MYCBP2: variants seen among roughly 807,000 people sequenced by gnomAD.
MYCBP2 encodes the protein MYC binding protein 2, also known as E3 ubiquitin-protein ligase MYCBP2.
Under a neutral mutation model 525.3 loss-of-function variants are expected in MYCBP2, and 120 were observed. The ratio of observed to expected loss-of-function variants is 0.23; its 90% CI spans 0.20 to 0.27. The LOEUF (loss-of-function observed/expected upper bound fraction) is 0.27, where lower values mean the gene tolerates loss of function less well. Among genes scored for constraint, MYCBP2 ranks in the 10% least tolerant of loss-of-function variants. The pLI, the probability that MYCBP2 is intolerant of heterozygous loss-of-function variation, is 1.00. For missense variants in MYCBP2, 4,149 were observed against 5,657.1 expected (o/e 0.73, Z 8.55); for synonymous variants, 1,894 against 1,955.8 (o/e 0.97, Z 0.83).
intron 44 of MYCBP2, among the ~76,000 whole-genome samples, chr13:77,160,236 A>G (rs1352406546): frequency 6.6e-6 from 1 of 152,036 alleles, no homozygotes; most frequent in Admixed American, 6.6e-5. Flanking sequence ...CCAGCTAATG[A>G]GACGGGGTTT....
chr13:77,138,762 TAGAC>T lies in MYCBP2; in HGVS notation c.7659+430_7659+433del, dbSNP rs558338989. Among the ~76,000 whole-genome samples, 494 of 152,270 alleles carry T rather than the reference TAGAC, an allele frequency of 3.2e-3. 3 individuals are homozygous for T. Among genetic ancestry groups the T allele is most frequent in the African/African-American group, 0.011 (472 of 41,546 alleles). On this transcript the variant is annotated intron_variant, in intron 52 of 82. Transcript: ENST00000544440. ...AGCCGAGAAGGAAGAGAGTCAAAAT[TAGAC>T]AGAACACACAGAACTATCTGCAAAA...
intron 65 of MYCBP2, among the ~76,000 whole-genome samples, chr13:77,080,113 A>T (rs1466871049): frequency 6.6e-6 from 1 of 152,218 alleles, no homozygotes; most frequent in African/African-American, 2.4e-5. Flanking sequence ...CTTTCCAGTA[A>T]GATAAAGTAG....
At chr13:77,261,924 AT>A (rs1265485208) in intron 11 of MYCBP2, 128 bp downstream of exon 11, 3 of 711,752 alleles carry the variant, frequency 4.2e-6, no homozygotes, top group South Asian at 5.3e-5. Flanking sequence ...CTTATAAAAA[AT>A]AATTTTAAAT....
chr13:77,257,467 T>C (rs1441588936), intron 14 of MYCBP2, among the ~76,000 whole-genome samples: 1 of 152,140 alleles, frequency 6.6e-6, no homozygotes, highest in East Asian at 1.9e-4. Flanking sequence ...TTATTACACA[T>C]TGTAGGCCTG....
chr13:77,260,785 A>ATATT (rs1219556800), intron 12 of MYCBP2, among the ~76,000 whole-genome samples, 193 bp from the exon 13 acceptor site: 4 of 152,180 alleles, frequency 2.6e-5, no homozygotes, highest in Non-Finnish European at 5.9e-5. Flanking sequence ...TGGTCAATTA[A>ATATT]TATTTACGCT....
At chr13:77,148,847 T>C (rs1290975725) in intron 47 of MYCBP2, among the ~76,000 whole-genome samples, 1 of 152,108 alleles carries the variant, frequency 6.6e-6, no homozygotes, top group African/African-American at 2.4e-5. Flanking sequence ...AACACATAAT[T>C]ACTGTTTTAA....
intron 21 of MYCBP2, among the ~76,000 whole-genome samples, chr13:77,214,984 C>G (rs1471032763): frequency 6.6e-6 from 1 of 151,974 alleles, no homozygotes; most frequent in Non-Finnish European, 1.5e-5. Flanking sequence ...TGTCTGCATG[C>G]TTATATATCT....
At chr13:77,090,517 G>T (rs1437434543) in intron 59 of MYCBP2, 3 of 266,306 alleles carry the variant, frequency 1.1e-5, no homozygotes, top group African/African-American at 6.6e-5. Flanking sequence ...AAGAAGAAAG[G>T]TTTCCAAGCT....
At position 77,181,697 on chromosome 13, in the gene MYCBP2, C is replaced by A; in HGVS notation, c.4941+4G>T. On this transcript the variant is annotated splice_donor_region_variant and intron_variant, in intron 33 of 82. Transcript: ENST00000544440. ...TGTATAAAAGATTTCAGAGACAGAC[C>A]TACCTGGCTGAGTTTTTCCATATGT... 6.2e-7 allele frequency: 1 copy of A among 1,612,480 alleles called. No individual in the cohort carries two copies. Among genetic ancestry groups the A allele is most frequent in the South Asian group, 1.1e-5 (1 of 90,976 alleles).
chr13:77,085,110 A>G lies in MYCBP2; in HGVS notation c.10876-1918T>C, dbSNP rs780088582. 5.9e-4 allele frequency among the ~76,000 whole-genome samples: 90 copies of G among 152,216 alleles called. 1 individual carries two copies. The highest frequency in any genetic ancestry group is 1.0e-3 in the Non-Finnish European group (71 of 67,994). On this transcript the variant is annotated intron_variant, in intron 62 of 82. Transcript: ENST00000544440. ...TGACACTGGCTGTTTCATCGTAACT[A>G]TAACTAGAACTCTGCCAAACAACAA...
At chr13:77,307,277 T>A (rs1340557115) in intron 1 of MYCBP2, among the ~76,000 whole-genome samples, 1 of 152,158 alleles carries the variant, frequency 6.6e-6, no homozygotes, top group Non-Finnish European at 1.5e-5. Flanking sequence ...TGCTCAACCA[T>A]ACATCCCTCT....
At chr13:77,208,305 T>C (rs894109156) in intron 23 of MYCBP2, among the ~76,000 whole-genome samples, 3 of 152,210 alleles carry the variant, frequency 2.0e-5, no homozygotes, top group African/African-American at 7.2e-5. Flanking sequence ...CTTACCTCAG[T>C]CATTTTACAA....
At chr13:77,110,032 T>A (rs896401615) in intron 55 of MYCBP2, 1 of 152,160 alleles carries the variant, frequency 6.6e-6, no homozygotes, top group African/African-American at 2.4e-5. Flanking sequence ...TTGAACAACA[T>A]GAAATCAGTG....
chr13:77,295,174 C>T (rs1348888664), intron 2 of MYCBP2, among the ~76,000 whole-genome samples: 2 of 152,086 alleles, frequency 1.3e-5, no homozygotes, highest in East Asian at 1.9e-4. Context: ...CTTACTCTGT[C>T]GCCAGGCTGG....
chr13:77,141,982 T>C (rs2054728045), intron 49 of MYCBP2, among the ~76,000 whole-genome samples: 1 of 152,116 alleles, frequency 6.6e-6, no homozygotes, highest in Non-Finnish European at 1.5e-5. Flanking sequence ...TGATTCTAAG[T>C]AAGCAAGTAT....
At position 77,158,032 on chromosome 13, in the gene MYCBP2, C is replaced by T. The variant is rs1439510125; in HGVS notation, c.6675G>A (p.Glu2225=). ...TTTGGATTTGGAGTGGTAAATTTCC[C>T]TCAAGTGCTTCTAATATAGTTGGTG... ...SHSPTILEAL[E]GNLPLQIQSN... Residue 2225 remains glutamate, a synonymous_variant, in exon 45 of 83, where the codon GAG becomes GAA. Coordinates refer to ENST00000544440, the MANE Select transcript of MYCBP2 (RefSeq NM_015057.5). 2.5e-6 allele frequency: 4 copies of T among 1,613,570 alleles called. No homozygotes were observed. In the African/African-American group the frequency reaches 4.0e-5, roughly 16 times the overall value.
At chr13:77,115,211 A>G (rs1594672892) in intron 55 of MYCBP2, among the ~76,000 whole-genome samples, 1 of 151,928 alleles carries the variant, frequency 6.6e-6, no homozygotes, top group African/African-American at 2.4e-5. Flanking sequence ...AAGGTACAGG[A>G]CATAAAATGA....
chr13:77,045,531 T>G lies in MYCBP2; in HGVS notation c.13922-38A>C, dbSNP rs1247098864. 3.0e-6 allele frequency: 4 copies of G among 1,317,436 alleles called. No individual in the cohort carries two copies. The South Asian group carries it at 4.8e-5, about 16-fold the overall frequency. 81.6% of individuals were successfully genotyped at this position (1,317,436 alleles called of 1,614,324 possible). ...GAAGGAGGCAAAGGAAAATAATGTT[T>G]TAAGAATACACACATATAAACCTCA... On this transcript the variant is annotated intron_variant, in intron 82 of 82. Coordinates refer to ENST00000544440, the MANE Select transcript of MYCBP2 (RefSeq NM_015057.5).
intron 3 of MYCBP2, among the ~76,000 whole-genome samples, chr13:77,287,327 G>C (rs557083463): frequency 1.1e-4 from 17 of 151,768 alleles, no homozygotes; most frequent in Middle Eastern, 3.2e-3. Flanking sequence ...TGGGATTATA[G>C]GCGACTGCCA....
Sources: allele counts gnomAD v4.1 joint callset (sites outside exome capture counted in the v4.1 genomes callset), GRCh38; gene constraint gnomAD v4.1.1; transcripts MANE v1.5; gene names NCBI Gene and HGNC (gene_info 2026-07-23, HGNC 2026-07-21).